The following ARHGEF38 variants were observed in gnomAD, a reference collection of about 807,000 sequenced individuals.
ARHGEF38 encodes Rho guanine nucleotide exchange factor 38, also known as Rho guanine nucleotide exchange factor (GEF) 38.
In ARHGEF38, 79 loss-of-function variants were observed where a neutral mutation model predicts 79.9. The observed-to-expected ratio is 0.99, with a 90% CI of 0.82 to 1.19. The LOEUF (loss-of-function observed/expected upper bound fraction) is 1.19, where lower values mean the gene tolerates loss of function less well. Ranked by LOEUF, ARHGEF38 falls within the 50% of genes most tolerant of loss-of-function variation. The pLI is 0.00. For missense variants in ARHGEF38, 962 were observed against 907.2 expected, an observed-to-expected ratio of 1.06 and a Z score of -0.78; for synonymous variants, 366 against 328.3, an observed-to-expected ratio of 1.11 and a Z score of -1.24.
intron 2 of ARHGEF38, among the ~76,000 whole-genome samples, chr4:105,599,297 G>T (rs962483177): frequency 6.6e-6 from 1 of 152,074 alleles, no homozygotes; most frequent in Non-Finnish European, 1.5e-5. Context: ...CAGCTTCAGT[G>T]CTCTCTAATT....
At chr4:105,657,873 T>G (rs1172144319) in intron 9 of ARHGEF38, among the ~76,000 whole-genome samples, 1 of 152,174 alleles carries the variant, frequency 6.6e-6, no homozygotes, top group East Asian at 1.9e-4. Context: ...TAATACAAGC[T>G]GCTGCTCAGA....
At chr4:105,592,950 G>A (rs915799365) in intron 2 of ARHGEF38, among the ~76,000 whole-genome samples, 1 of 152,052 alleles carries the variant, frequency 6.6e-6, no homozygotes, top group Non-Finnish European at 1.5e-5. Flanking sequence ...AGACTGAAAG[G>A]TTTTACTCCA....
chr4:105,604,152 A>G (rs1225687353), intron 2 of ARHGEF38, among the ~76,000 whole-genome samples: 2 of 152,194 alleles, frequency 1.3e-5, no homozygotes, highest in Non-Finnish European at 2.9e-5. Context: ...GAAGAGCCCC[A>G]TGCCAGAAGA....
At chr4:105,628,005 C>T (rs1405831740) in intron 3 of ARHGEF38, among the ~76,000 whole-genome samples, 1 of 148,984 alleles carries the variant, frequency 6.7e-6, no homozygotes, top group East Asian at 1.9e-4. Flanking sequence ...ATTAGAGCCT[C>T]AACAGAATTT....
intron 13 of ARHGEF38, among the ~76,000 whole-genome samples, chr4:105,676,367 C>G (rs1456882560): frequency 1.3e-5 from 2 of 152,132 alleles, no homozygotes; most frequent in African/African-American, 4.8e-5. Context: ...GCTGATGTAT[C>G]ATCTGTGTGT....
chr4:105,663,322 T>TA (rs1007560937), intron 10 of ARHGEF38, among the ~76,000 whole-genome samples: 29 of 152,298 alleles, frequency 1.9e-4, no homozygotes, highest in Non-Finnish European at 2.9e-4. Context: ...TTTAATTGTA[T>TA]AAAAAACCAC....
At chr4:105,626,947 T>A (rs960793705) in intron 3 of ARHGEF38, among the ~76,000 whole-genome samples, 5 of 151,834 alleles carry the variant, frequency 3.3e-5, no homozygotes, top group African/African-American at 1.2e-4. Flanking sequence ...TCCTTGCTTT[T>A]TGCACTCACT....
rs1231144537 is a variant in ARHGEF38 at position 105,561,434 on chromosome 4, AGAATAGAATAGAATG to A, written c.196+8488_196+8502del. 7.3e-3 allele frequency among the ~76,000 whole-genome samples: 343 copies of A among 46,994 alleles called. 16 individuals are homozygous for A. Among genetic ancestry groups the A allele is most frequent in the East Asian group, 0.025 (49 of 1,932 alleles). The allele number at this position is 46,994 out of a possible 152,430, so 30.8% of individuals were successfully genotyped here. A position where few individuals can be genotyped will look rare whatever the true frequency, so the allele number is the denominator to read the frequency against. ...AGAATAGAATAGAATGGAATAGAAT[AGAATAGAATAGAATG>A]GAATAGAATAGAATAGAATAGAATA... On this transcript the variant is annotated intron_variant, in intron 1 of 13. Coordinates refer to ENST00000420470, the MANE Select transcript of ARHGEF38 (RefSeq NM_001242729.2).
At chr4:105,612,844 TG>T (rs1343429060) in intron 2 of ARHGEF38, among the ~76,000 whole-genome samples, 1 of 152,060 alleles carries the variant, frequency 6.6e-6, no homozygotes, top group Non-Finnish European at 1.5e-5. Context: ...AGGGTGTGCA[TG>T]AAATAACAAA....
intron 3 of ARHGEF38, among the ~76,000 whole-genome samples, chr4:105,614,775 T>G (rs982874304): frequency 6.6e-6 from 1 of 152,190 alleles, no homozygotes; most frequent in Non-Finnish European, 1.5e-5. Flanking sequence ...AATCAATGAA[T>G]AGTTATGAAG....
intron 2 of ARHGEF38, among the ~76,000 whole-genome samples, chr4:105,595,539 C>T (rs770853615): frequency 6.6e-6 from 1 of 151,938 alleles, no homozygotes; most frequent in African/African-American, 2.4e-5. Flanking sequence ...ATTATTTTGG[C>T]TTATTGTTTA....
At chr4:105,596,184 T>A (rs1051432826) in intron 2 of ARHGEF38, among the ~76,000 whole-genome samples, 3 of 152,030 alleles carry the variant, frequency 2.0e-5, no homozygotes, top group Non-Finnish European at 4.4e-5. Context: ...TGAGCAATGG[T>A]TCTGTGTGAC....
intron 2 of ARHGEF38, 126 bp downstream of exon 2, chr4:105,589,561 C>CCTG: frequency 1.2e-6 from 1 of 828,686 alleles, no homozygotes; most frequent in Non-Finnish European, 1.8e-6. Context: ...CAGCACTGTT[C>CCTG]TCAGCTCTGG....
At chr4:105,620,397 A>G (rs907192112) in intron 3 of ARHGEF38, among the ~76,000 whole-genome samples, 2 of 152,164 alleles carry the variant, frequency 1.3e-5, no homozygotes, top group African/African-American at 4.8e-5. Context: ...TACCTATCCC[A>G]TATGGTTTTT....
At chr4:105,657,466 T>C (rs960987397) in intron 9 of ARHGEF38, among the ~76,000 whole-genome samples, 1 of 152,196 alleles carries the variant, frequency 6.6e-6, no homozygotes, top group African/African-American at 2.4e-5. Flanking sequence ...AGAGCAGTTA[T>C]TCTTATCTAA....
intron 5 of ARHGEF38, among the ~76,000 whole-genome samples, chr4:105,644,466 A>G (rs1381877248): frequency 6.6e-6 from 1 of 152,176 alleles, no homozygotes; most frequent in Non-Finnish European, 1.5e-5. Flanking sequence ...CCTCCTGTGA[A>G]CTGCCTAACC....
At chr4:105,630,392 T>G (rs10025790) in intron 3 of ARHGEF38, among the ~76,000 whole-genome samples, 49,531 of 151,678 alleles carry the variant, frequency 0.33, 11,491 homozygotes, top group African/African-American at 0.65. Context: ...GGGCTACAGG[T>G]CGCCTGACAC....
At chr4:105,637,840 C>T (rs972558933) in intron 5 of ARHGEF38, among the ~76,000 whole-genome samples, 1 of 152,138 alleles carries the variant, frequency 6.6e-6, no homozygotes, top group African/African-American at 2.4e-5. Flanking sequence ...TGTATTGAAA[C>T]ACGCTTAAAA....
Position 105,589,354 on chromosome 4 carries a change from G to C in ARHGEF38, c.303G>C (p.Glu101Asp). Residue 101 changes from glutamate to aspartate, a missense_variant, in exon 2 of 14, where the codon GAG (glutamate) becomes GAC (aspartate). By Grantham distance (45) the Glu-to-Asp change is conservative (BLOSUM62 2). Coordinates refer to ENST00000420470, the MANE Select transcript of ARHGEF38 (RefSeq NM_001242729.2). Reference protein sequence around the residue: ...MMAKREKIIKELIQTEKDYLN... With the variant: ...MMAKREKIIKDLIQTEKDYLN... ...CAAAGCGGGAAAAGATCATTAAGGA[G>C]CTGATACAGACAGAAAAGGATTATC... 1.2e-6 allele frequency: 2 copies of C among 1,614,112 alleles called. No individual in the cohort carries two copies. The highest frequency in any genetic ancestry group is 1.1e-5 in the South Asian group (1 of 91,078).
Sources: gnomAD v4.1 joint callset for allele counts (sites outside exome capture counted in the v4.1 genomes callset) on GRCh38, gnomAD v4.1.1 for gene constraint, MANE v1.5 for transcripts, NCBI Gene and HGNC (gene_info 2026-07-23, HGNC 2026-07-21) for gene names.